The following SAMMSON variants were observed in gnomAD, a reference collection of about 807,000 sequenced individuals.
The protein encoded by SAMMSON is survival associated mitochondrial melanoma specific oncogenic non-coding RNA.
intron 3 of SAMMSON, among the ~76,000 whole-genome samples, chr3:70,033,322 A>G (rs2067072398): frequency 6.6e-6 from 1 of 152,146 alleles, no homozygotes. Context: ...GGCTTTCATG[A>G]GAATCCAAAC....
intron 4 of SAMMSON, among the ~76,000 whole-genome samples, chr3:70,206,949 T>C (rs1387199259): frequency 6.6e-6 from 1 of 151,766 alleles, no homozygotes; most frequent in Admixed American, 6.6e-5. Flanking sequence ...AATAAAAATA[T>C]GAGAAAGAAG....
intron 7 of SAMMSON, among the ~76,000 whole-genome samples, chr3:70,332,128 G>A (rs924457074): frequency 4.6e-5 from 7 of 152,160 alleles, no homozygotes; most frequent in African/African-American, 1.4e-4. Flanking sequence ...GGCAATGTAA[G>A]ACAACTAAGC....
At chr3:70,430,773 A>G (rs1701407364) in intron 2 of SAMMSON, among the ~76,000 whole-genome samples, 1 of 152,170 alleles carries the variant, frequency 6.6e-6, no homozygotes. Flanking sequence ...CATCAGATTA[A>G]TCAAGAATTT....
At chr3:70,340,343 TAACA>T (rs563831090) in intron 7 of SAMMSON, among the ~76,000 whole-genome samples, 133 of 151,510 alleles carry the variant, frequency 8.8e-4, no homozygotes, top group African/African-American at 3.0e-3. Flanking sequence ...TATACATATG[TAACA>T]AACCTGCATG....
chr3:70,155,741 GTCTC>G (rs879292066), intron 4 of SAMMSON, among the ~76,000 whole-genome samples: 1 of 151,960 alleles, frequency 6.6e-6, no homozygotes, highest in Non-Finnish European at 1.5e-5. Context: ...TGGCAAATCA[GTCTC>G]TCTCTTTCTT....
rs187370181 is a variant in SAMMSON at position 70,110,612 on chromosome 3, C to T, written n.507+39047C>T. 1.7e-3 allele frequency among the ~76,000 whole-genome samples: 255 copies of T among 152,198 alleles called. 2 individuals carry two copies. The highest frequency in any genetic ancestry group is 0.016 in the Admixed American group (239 of 15,274). On this transcript the variant is annotated intron_variant and non_coding_transcript_variant, in intron 4 of 9. Transcript: ENST00000642114. ...TGGTGTGGAATCCAGTCACCTTATA[C>T]CTCTCAGGTTTAGATACTGTAGGTC...
At chr3:70,131,507 T>C (rs2067482485) in intron 4 of SAMMSON, among the ~76,000 whole-genome samples, 1 of 152,232 alleles carries the variant, frequency 6.6e-6, no homozygotes, top group Admixed American at 6.5e-5. Context: ...GTTGCCTTCA[T>C]GTCCATTATT....
chr3:70,363,812 G>A (rs1341779898), intron 9 of SAMMSON, among the ~76,000 whole-genome samples: 1 of 145,940 alleles, frequency 6.9e-6, no homozygotes, highest in Non-Finnish European at 1.5e-5. Context: ...GTGTGTGTGT[G>A]TGTGTGTGTG....
intron 2 of SAMMSON, among the ~76,000 whole-genome samples, chr3:70,405,863 G>A (rs1216272300): frequency 1.3e-5 from 2 of 151,990 alleles, no homozygotes; most frequent in Non-Finnish European, 2.9e-5. Flanking sequence ...TAATGTGTAG[G>A]ATAAAAATAA....
At chr3:70,321,511 A>T (rs188032616) in intron 7 of SAMMSON, among the ~76,000 whole-genome samples, 1 of 152,074 alleles carries the variant, frequency 6.6e-6, no homozygotes, top group Admixed American at 6.6e-5. Flanking sequence ...GGTGGTTTCC[A>T]ATTGCGACCA....
chr3:70,277,488 T>C (rs1164501005), intron 6 of SAMMSON, among the ~76,000 whole-genome samples: 1 of 152,174 alleles, frequency 6.6e-6, no homozygotes, highest in Non-Finnish European at 1.5e-5. Context: ...TGATAATATT[T>C]AGAATAAGCC....
chr3:70,199,341 C>G (rs1701212164), intron 4 of SAMMSON, among the ~76,000 whole-genome samples: 1 of 151,986 alleles, frequency 6.6e-6, no homozygotes, highest in African/African-American at 2.4e-5. Context: ...CTCTGGAGGT[C>G]TCCTCTTCTA....
chr3:70,113,851 G>C (rs1043318727), intron 4 of SAMMSON, among the ~76,000 whole-genome samples: 1 of 151,934 alleles, frequency 6.6e-6, no homozygotes, highest in Non-Finnish European at 1.5e-5. Context: ...GATGAGACCA[G>C]GACTGTCTCT....
At chr3:70,008,493 C>T (rs2066939603) in intron 1 of SAMMSON, among the ~76,000 whole-genome samples, 1 of 152,140 alleles carries the variant, frequency 6.6e-6, no homozygotes, top group African/African-American at 2.4e-5. Flanking sequence ...GATTTTGTAT[C>T]CTGAGACTTT....
intron 2 of SAMMSON, among the ~76,000 whole-genome samples, chr3:70,414,023 A>G (rs1407013782): frequency 6.6e-6 from 1 of 152,126 alleles, no homozygotes; most frequent in Non-Finnish European, 1.5e-5. Flanking sequence ...AGTCTTTTGT[A>G]GAAAAGAGCT....
chr3:70,105,148 A>C (rs192293462), intron 4 of SAMMSON, among the ~76,000 whole-genome samples: 3 of 152,294 alleles, frequency 2.0e-5, no homozygotes, highest in Non-Finnish European at 4.4e-5. Context: ...CCCCAATTTT[A>C]AAAGATAGGC....
rs138353855 is a variant in SAMMSON at position 70,387,080 on chromosome 3, G to A, written n.914-2494G>A. Reference sequence around the variant, plus strand: ...TTCTGGAAACAAGTAGGGGGACATGGCAAGGAGAGGAAATAGTAGAGATTA... The same window carrying A: ...TTCTGGAAACAAGTAGGGGGACATGACAAGGAGAGGAAATAGTAGAGATTA... On this transcript the variant is annotated intron_variant and non_coding_transcript_variant, in intron 9 of 9. Transcript: ENST00000642114. Among the ~76,000 whole-genome samples, 13 of 152,112 alleles carry A rather than the reference G, an allele frequency of 8.5e-5. No homozygotes were observed. The East Asian group carries it at 2.1e-3, about 25-fold the overall frequency.
chr3:70,039,152 G>A (rs1354159547), intron 3 of SAMMSON, among the ~76,000 whole-genome samples: 1 of 152,128 alleles, frequency 6.6e-6, no homozygotes. Flanking sequence ...AGACTAAACT[G>A]CACCACTGAG....
At chr3:70,250,402 T>C (rs2106650538) in intron 6 of SAMMSON, among the ~76,000 whole-genome samples, 1 of 140,526 alleles carries the variant, frequency 7.1e-6, no homozygotes, top group African/African-American at 2.7e-5. Context: ...ATTTTTCTTT[T>C]AATGAATCTC....
Sources: gnomAD v4.1 joint callset for allele counts (sites outside exome capture counted in the v4.1 genomes callset) on GRCh38, gnomAD v4.1.1 for gene constraint, MANE v1.5 for transcripts, NCBI Gene and HGNC (gene_info 2026-07-23, HGNC 2026-07-21) for gene names.